Variants in GRM8 observed in about 807,000 individuals in gnomAD.
GRM8 encodes the protein metabotropic glutamate receptor 8.
GRM8 carries 47 observed loss-of-function variants against 87.2 expected under a neutral mutation model. That is an observed-to-expected ratio of 0.54 (90% CI 0.43 to 0.69). The LOEUF (loss-of-function observed/expected upper bound fraction) is 0.69, where lower values mean the gene tolerates loss of function less well. GRM8 is among the 30% of genes least tolerant of loss of function. GRM8 has a pLI of 0.00. For missense variants in GRM8, 1,019 were observed against 1,139.2 expected (o/e 0.89, Z 1.52); for synonymous variants, 396 against 404.5 (o/e 0.98, Z 0.25).
At chr7:127,156,171 G>A (rs1409492620) in intron 2 of GRM8, among the ~76,000 whole-genome samples, 1 of 152,198 alleles carries the variant, frequency 6.6e-6, no homozygotes, top group Non-Finnish European at 1.5e-5. Context: ...GGGGCAGTAT[G>A]TGAGTGGATA....
chr7:126,690,386 A>G (rs1269909429), intron 7 of GRM8, among the ~76,000 whole-genome samples: 1 of 152,256 alleles, frequency 6.6e-6, no homozygotes. Flanking sequence ...AGGCACCTGC[A>G]TGGGTGCCAC....
chr7:126,698,644 A>T (rs190669573), intron 7 of GRM8, among the ~76,000 whole-genome samples: 5 of 152,068 alleles, frequency 3.3e-5, no homozygotes, highest in Non-Finnish European at 5.9e-5. Context: ...ACCTTTCCTA[A>T]TCAAGCTATT....
intron 3 of GRM8, among the ~76,000 whole-genome samples, chr7:126,985,755 A>G (rs1206784163): frequency 1.3e-5 from 2 of 152,124 alleles, no homozygotes; most frequent in Non-Finnish European, 2.9e-5. Context: ...ATGACAACCC[A>G]TTTATCTATT....
intron 9 of GRM8, among the ~76,000 whole-genome samples, chr7:126,529,294 T>C (rs1384063229): frequency 6.6e-6 from 1 of 152,254 alleles, no homozygotes; most frequent in Non-Finnish European, 1.5e-5. Context: ...TATTATATCA[T>C]TAATATTAGC....
chr7:127,045,391 T>G (rs1429790447), intron 3 of GRM8, among the ~76,000 whole-genome samples: 1 of 152,082 alleles, frequency 6.6e-6, no homozygotes, highest in Non-Finnish European at 1.5e-5. Flanking sequence ...TGGTCTAGCT[T>G]TACCTTTGTT....
intron 8 of GRM8, among the ~76,000 whole-genome samples, chr7:126,544,391 T>C (rs1375329304): frequency 6.6e-6 from 1 of 152,194 alleles, no homozygotes; most frequent in African/African-American, 2.4e-5. Context: ...GTGTGGTCTC[T>C]AGATTATGTC....
intron 7 of GRM8, among the ~76,000 whole-genome samples, chr7:126,705,620 AAGTT>A (rs1810419843): frequency 6.6e-6 from 1 of 152,196 alleles, no homozygotes; most frequent in South Asian, 2.1e-4. Context: ...ATCAGTTAAA[AAGTT>A]AGGTTAATAT....
intron 6 of GRM8, among the ~76,000 whole-genome samples, chr7:126,896,379 G>C (rs1801542089): frequency 6.6e-6 from 1 of 151,984 alleles, no homozygotes; most frequent in African/African-American, 2.4e-5. Flanking sequence ...CTCTAGGCAA[G>C]GGGACAAATG....
intron 9 of GRM8, among the ~76,000 whole-genome samples, chr7:126,504,754 T>G (rs1242198676): frequency 6.6e-6 from 1 of 152,100 alleles, no homozygotes; most frequent in Non-Finnish European, 1.5e-5. Flanking sequence ...AATGAATATA[T>G]GACATTAATT....
intron 6 of GRM8, among the ~76,000 whole-genome samples, chr7:126,810,155 A>C (rs534474024): frequency 6.6e-6 from 1 of 152,252 alleles, no homozygotes; most frequent in African/African-American, 2.4e-5. Context: ...AGTTTAATTG[A>C]TACTGAAGAT....
chr7:126,918,953 GAT>G (rs2131346169), intron 3 of GRM8, among the ~76,000 whole-genome samples: 1 of 152,214 alleles, frequency 6.6e-6, no homozygotes, highest in Non-Finnish European at 1.5e-5. Context: ...AAATTTCTGT[GAT>G]ATAATTTCCA....
chr7:127,148,030 C>T (rs1396820431), intron 2 of GRM8, among the ~76,000 whole-genome samples: 1 of 152,000 alleles, frequency 6.6e-6, no homozygotes, highest in East Asian at 1.9e-4. Context: ...AGTCTCAGGT[C>T]CCACCTTAGA....
chr7:127,180,478 C>G (rs73455165), intron 2 of GRM8, among the ~76,000 whole-genome samples: 1 of 151,858 alleles, frequency 6.6e-6, no homozygotes, highest in Non-Finnish European at 1.5e-5. Context: ...GAAAGAAGGA[C>G]TCCTCCTTAA....
intron 8 of GRM8, among the ~76,000 whole-genome samples, chr7:126,571,132 A>G (rs1361613889): frequency 6.6e-6 from 1 of 152,210 alleles, no homozygotes; most frequent in Admixed American, 6.5e-5. Flanking sequence ...AAGAGAGAAT[A>G]AAGTCATTAG....
chr7:127,154,328 TC>T (rs903514451), intron 2 of GRM8, among the ~76,000 whole-genome samples: 5 of 152,094 alleles, frequency 3.3e-5, no homozygotes, highest in African/African-American at 1.2e-4. Flanking sequence ...CACCTTATGC[TC>T]CAGCTATTCC....
At chr7:126,843,249 A>T (rs1043613595) in intron 6 of GRM8, among the ~76,000 whole-genome samples, 1 of 152,174 alleles carries the variant, frequency 6.6e-6, no homozygotes, top group Non-Finnish European at 1.5e-5. Context: ...CAGTGTGCCT[A>T]GTACATGGTA....
intron 3 of GRM8, among the ~76,000 whole-genome samples, chr7:126,917,805 T>C (rs777232520): frequency 3.9e-5 from 6 of 152,224 alleles, no homozygotes; most frequent in African/African-American, 7.2e-5. Flanking sequence ...TTTTACATCA[T>C]CAAGGCTGCA....
At chr7:126,828,440 G>A (rs192243523) in intron 6 of GRM8, among the ~76,000 whole-genome samples, 5 of 152,200 alleles carry the variant, frequency 3.3e-5, no homozygotes, top group East Asian at 1.9e-4. Flanking sequence ...TTTAGTCTTC[G>A]GAGGGTGTAT....
At chr7:126,810,677 C>G (rs910715052) in intron 6 of GRM8, among the ~76,000 whole-genome samples, 3 of 152,096 alleles carry the variant, frequency 2.0e-5, no homozygotes, top group African/African-American at 7.2e-5. Context: ...TACCCTAAGT[C>G]CTCCCACTCT....
Sources: allele counts gnomAD v4.1 joint callset (sites outside exome capture counted in the v4.1 genomes callset), GRCh38; gene constraint gnomAD v4.1.1; transcripts MANE v1.5; gene names NCBI Gene and HGNC (gene_info 2026-07-23, HGNC 2026-07-21).